NTRK3: variants seen among roughly 807,000 people sequenced by gnomAD.
NTRK3 encodes the protein neurotrophic receptor tyrosine kinase 3, also known as NT-3 growth factor receptor.
NTRK3 carries 24 observed loss-of-function variants against 91.7 expected under a neutral mutation model. The observed-to-expected ratio is 0.26, with a 90% confidence interval of 0.19 to 0.37. The LOEUF (loss-of-function observed/expected upper bound fraction) is 0.37, where lower values mean the gene tolerates loss of function less well. NTRK3 is among the 10% of genes least tolerant of loss of function. The pLI is 1.00. For missense variants in NTRK3, 880 were observed against 1,068.9 expected (o/e 0.82, Z 2.46); for synonymous variants, 483 against 404.0 (o/e 1.20, Z -2.34).
intron 5 of NTRK3, among the ~76,000 whole-genome samples, chr15:88,176,925 G>A (rs1164662900): frequency 6.6e-6 from 1 of 152,208 alleles, no homozygotes; most frequent in African/African-American, 2.4e-5. Context: ...GGAGAAGGAA[G>A]GCCACAAAGT....
At chr15:88,210,612 G>T (rs1038954850) in intron 3 of NTRK3, among the ~76,000 whole-genome samples, 17 of 152,132 alleles carry the variant, frequency 1.1e-4, no homozygotes, top group Admixed American at 5.2e-4. Flanking sequence ...CTTCCCCAAG[G>T]GCAGGAGAGA....
At chr15:87,982,554 G>T (rs2074379398) in intron 14 of NTRK3, among the ~76,000 whole-genome samples, 1 of 152,288 alleles carries the variant, frequency 6.6e-6, no homozygotes. Flanking sequence ...TGGGTCTTCA[G>T]GGATCTTCTA....
chr15:87,890,077 A>G (rs1360739822), intron 17 of NTRK3, among the ~76,000 whole-genome samples: 2 of 151,676 alleles, frequency 1.3e-5, no homozygotes, highest in Non-Finnish European at 2.9e-5. Context: ...CTGTTCCTCT[A>G]CCTGCCGCAT....
At chr15:87,880,191 T>G in intron 18 of NTRK3, 79 bp downstream of exon 19, 1 of 1,568,284 alleles carries the variant, frequency 6.4e-7, no homozygotes, top group Non-Finnish European at 8.8e-7. Flanking sequence ...AATGTCTTGT[T>G]CAGTAGGTCC....
chr15:88,166,288 ACTCC>A (rs2044936311), intron 5 of NTRK3, among the ~76,000 whole-genome samples: 4 of 151,950 alleles, frequency 2.6e-5, no homozygotes, highest in Non-Finnish European at 5.9e-5. Context: ...TGGAAGGGGC[ACTCC>A]CTCTACTGTT....
chr15:87,920,030 T>C (rs1294621062), intron 17 of NTRK3, among the ~76,000 whole-genome samples: 1 of 152,160 alleles, frequency 6.6e-6, no homozygotes, highest in Non-Finnish European at 1.5e-5. Context: ...AAAGAGATCA[T>C]ATGGCTGGAA....
At chr15:87,952,224 AG>A (rs2071190432) in intron 14 of NTRK3, among the ~76,000 whole-genome samples, 1 of 149,832 alleles carries the variant, frequency 6.7e-6, no homozygotes, top group African/African-American at 2.5e-5. Flanking sequence ...AAAAGAAAAG[AG>A]AAAGAAAAGA....
At chr15:87,864,322 C>G (rs1198038148) in exon 19 of NTRK3, 1 of 231,698 alleles carries the variant, frequency 4.3e-6, no homozygotes, top group Non-Finnish European at 8.5e-6. Flanking sequence ...GATATGAATA[C>G]AATCAATCTT....
chr15:88,249,641 T>C (rs1336093617), intron 3 of NTRK3, among the ~76,000 whole-genome samples: 1 of 151,992 alleles, frequency 6.6e-6, no homozygotes, highest in African/African-American at 2.4e-5. Context: ...GCGGCGGAAA[T>C]GGGAAGAGCC....
At chr15:88,113,150 G>GTTGGTATA (rs1597385811) in intron 13 of NTRK3, among the ~76,000 whole-genome samples, 1 of 152,236 alleles carries the variant, frequency 6.6e-6, no homozygotes, top group East Asian at 1.9e-4. Flanking sequence ...CAATGGCCTT[G>GTTGGTATA]TTGGTATAGC....
intron 13 of NTRK3, among the ~76,000 whole-genome samples, chr15:88,065,478 T>G (rs2046570846): frequency 6.6e-6 from 1 of 152,130 alleles, no homozygotes; most frequent in Non-Finnish European, 1.5e-5. Flanking sequence ...ACCCATTCTC[T>G]GGGACACCCT....
At chr15:88,132,985 T>C (rs1195320431) in intron 10 of NTRK3, among the ~76,000 whole-genome samples, 1 of 152,082 alleles carries the variant, frequency 6.6e-6, no homozygotes. Flanking sequence ...TCCAGGGTAG[T>C]AGATTGCAAA....
chr15:88,186,991 G>A (rs1244732825), intron 3 of NTRK3, among the ~76,000 whole-genome samples: 2 of 152,180 alleles, frequency 1.3e-5, no homozygotes, highest in African/African-American at 2.4e-5. Flanking sequence ...TCGTAAGAAT[G>A]ATGTGAAGAT....
At chr15:88,037,962 C>G (rs927609960) in intron 13 of NTRK3, among the ~76,000 whole-genome samples, 3 of 152,362 alleles carry the variant, frequency 2.0e-5, no homozygotes, top group African/African-American at 2.4e-5. Flanking sequence ...TTTAAACTCA[C>G]AGTCTGGCTC....
intron 18 of NTRK3, 118 bp from the exon 20 acceptor site, chr15:87,877,238 C>T: frequency 1.0e-6 from 1 of 999,198 alleles, no homozygotes. Flanking sequence ...CCGAGGCTCT[C>T]ACAAGCACAA....
At chr15:87,942,871 T>TTTACAAAAAGGAGAAATGAGGGC (rs1244951850) in intron 14 of NTRK3, among the ~76,000 whole-genome samples, 7 of 152,132 alleles carry the variant, frequency 4.6e-5, no homozygotes, top group African/African-American at 1.7e-4. Context: ...TTGATATTAT[T>TTTACAAAAAGGAGAAATGAGGGC]TTACAAAAAG....
chr15:88,074,914 G>A (rs1053902050), intron 13 of NTRK3, among the ~76,000 whole-genome samples: 3 of 152,132 alleles, frequency 2.0e-5, no homozygotes, highest in Non-Finnish European at 4.4e-5. Flanking sequence ...ATAGTTATTG[G>A]AATCAAGTGA....
intron 6 of NTRK3, chr15:88,144,249 T>C (rs2042665829): frequency 6.6e-6 from 1 of 152,204 alleles, no homozygotes; most frequent in African/African-American, 2.4e-5. Flanking sequence ...CCATTGAAAC[T>C]GTGCTGGTTA....
At chr15:88,215,704 T>C (rs919076003) in intron 3 of NTRK3, among the ~76,000 whole-genome samples, 1 of 152,206 alleles carries the variant, frequency 6.6e-6, no homozygotes, top group African/African-American at 2.4e-5. Context: ...TCACCTCTGG[T>C]GAGAGAATTG....
Sources: gnomAD v4.1 joint callset for allele counts (sites outside exome capture counted in the v4.1 genomes callset) on GRCh38, gnomAD v4.1.1 for gene constraint, MANE v1.5 for transcripts, NCBI Gene and HGNC (gene_info 2026-07-23, HGNC 2026-07-21) for gene names.